STARD8: variants seen among roughly 807,000 people sequenced by gnomAD.
The protein encoded by STARD8 is stAR-related lipid transfer protein 8.
STARD8 carries 25 observed loss-of-function variants against 69.4 expected under a neutral mutation model. That is an observed-to-expected ratio of 0.36 (90% CI 0.26 to 0.50). The LOEUF is 0.50. STARD8 is among the 20% of genes least tolerant of loss of function. The pLI is 0.96. For missense variants in STARD8, 921 were observed against 932.5 expected (o/e 0.99, Z 0.16); for synonymous variants, 389 against 374.6 (o/e 1.04, Z -0.45).
intron 2 of STARD8, among the ~76,000 whole-genome samples, chrX:68,703,192 C>T (rs773402839): frequency 2.1e-4 from 23 of 111,809 alleles, no homozygotes; most frequent in Non-Finnish European, 2.4e-4. Context: ...CCCGGGAGGT[C>T]GAGGCTGCAG....
rs1281460185 is a variant in STARD8, at chrX:68,647,925, A to T, written c.43A>T (p.Lys15Ter). ...TTTCTGGTCTTGCTTCAGGAAGGTG[A>T]AGGTAAGTGACTGGCCAGCCCCAGC... is the stretch of plus-strand genomic sequence containing the variant. Reference protein sequence around the residue: ...DVFWSCFRKVKCFPLLQVKKN... With the variant: ...DVFWSCFRKV Residue 15 changes from lysine (K) to a stop codon, truncating the protein, a stop_gained and splice_region_variant, in exon 1 of 15, where the codon AAG becomes TAG. Transcript: ENST00000374599. LOFTEE classifies it high-confidence loss of function. The T allele has an allele frequency of 1.7e-6, 2 of 1,197,817 alleles. No individual in the cohort carries two copies. Among genetic ancestry groups the T allele is most frequent in the African/African-American group, 3.5e-5 (2 of 57,205 alleles).
chrX:68,690,435 G>GT (rs2082464988), intron 2 of STARD8, among the ~76,000 whole-genome samples: 1 of 106,977 alleles, frequency 9.3e-6, no homozygotes, highest in African/African-American at 3.6e-5. Context: ...GGCAGGCAGG[G>GT]CGGGGGGACT....
intron 2 of STARD8, among the ~76,000 whole-genome samples, chrX:68,672,312 A>G (rs2079733407): frequency 8.9e-6 from 1 of 111,786 alleles, no homozygotes; most frequent in Non-Finnish European, 1.9e-5. Context: ...ATACAGTCCA[A>G]TGTTCTCGTT....
intron 2 of STARD8, among the ~76,000 whole-genome samples, chrX:68,679,791 C>G (rs1399956692): frequency 8.9e-6 from 1 of 112,055 alleles, no homozygotes; most frequent in Non-Finnish European, 1.9e-5. Context: ...ATGCAGCTGA[C>G]TGGGGCCAAA....
At position 68,717,606 on chromosome X, in the gene STARD8, A is replaced by G; in HGVS notation, c.692A>G (p.His231Arg). The G allele has an allele frequency of 8.3e-7, 1 of 1,212,066 alleles. No individual in the cohort carries two copies. Among genetic ancestry groups the G allele is most frequent in the South Asian group, 1.8e-5 (1 of 57,006 alleles). ...KSGSQQAEPKHSPATSEKVSK... is the reference protein window; with the variant it reads ...KSGSQQAEPKRSPATSEKVSK... The stretch of plus-strand genomic sequence containing the variant: ...GGCAGCCAGCAAGCAGAGCCCAAGC[A>G]TAGTCCAGCCACCTCAGAGAAGGTC... Residue 231 changes from histidine (H) to arginine (R), a missense_variant, in exon 6 of 15, where the codon CAT (histidine) becomes CGT (arginine). Physicochemically the swap from His to Arg is conservative, Grantham distance 29. Coordinates refer to ENST00000374599, the MANE Select transcript of STARD8 (RefSeq NM_001142503.3).
chrX:68,685,508 C>T (rs971285596), intron 2 of STARD8, among the ~76,000 whole-genome samples: 4 of 112,530 alleles, frequency 3.6e-5, no homozygotes, highest in Non-Finnish European at 7.5e-5. Context: ...TTAGAAAAAA[C>T]GGTTATGTAC....
At chrX:68,670,471 A>C (rs757975642) in intron 2 of STARD8, among the ~76,000 whole-genome samples, 1 of 111,364 alleles carries the variant, frequency 9.0e-6, no homozygotes, top group Admixed American at 9.5e-5. Context: ...TTGTGGCCTA[A>C]GGGGCTGGGA....
chrX:68,701,294 C>A (rs113457512), intron 2 of STARD8, among the ~76,000 whole-genome samples: 4,179 of 113,005 alleles, frequency 0.037, 176 homozygotes, highest in African/African-American at 0.12. Flanking sequence ...CTTTGTCTCT[C>A]TTTTATTTAA....
intron 1 of STARD8, among the ~76,000 whole-genome samples, chrX:68,653,100 A>C (rs1178294467): frequency 7.1e-5 from 3 of 42,334 alleles, no homozygotes; most frequent in African/African-American, 1.1e-4. Context: ...CACCACACAC[A>C]CCACACACAC....
chrX:68,686,738 C>G (rs1043451958), intron 2 of STARD8, among the ~76,000 whole-genome samples: 1 of 112,615 alleles, frequency 8.9e-6, no homozygotes, highest in African/African-American at 3.2e-5. Flanking sequence ...GCAGTGCCCC[C>G]TTTTGAGGCT....
chrX:68,647,916 A>C lies in STARD8; in HGVS notation c.34A>C (p.Arg12=). 1.7e-6 allele frequency: 2 copies of C among 1,199,559 alleles called. No homozygotes were observed. Among genetic ancestry groups the C allele is most frequent in the Non-Finnish European group, 2.2e-6 (2 of 889,359 alleles). The part of the protein sequence containing the change: ...PLLDVFWSCF[R]KVKCFPLLQV... ...GCTGGACGTTTTCTGGTCTTGCTTC[A>C]GGAAGGTGAAGGTAAGTGACTGGCC... Residue 12 remains arginine, a synonymous_variant, in exon 1 of 15, where the codon AGG becomes CGG. Transcript: ENST00000374599.
chrX:68,721,652 G>A lies in STARD8; in HGVS notation c.2365G>A (p.Glu789Lys), dbSNP rs764303087. 3.2e-5 allele frequency: 39 copies of A among 1,210,827 alleles called. No individual in the cohort carries two copies. The highest frequency in any genetic ancestry group is 4.6e-4 in the Middle Eastern group (2 of 4,375). Residue 789 changes from glutamate to lysine, a missense_variant, in exon 10 of 15, where the codon GAG (glutamate) becomes AAG (lysine). Transcript: ENST00000374599. Reference protein sequence around the residue: ...LYFLSDIASAEENQMTAGNLA... With the variant: ...LYFLSDIASAKENQMTAGNLA... ...CTTCTTAAGTGACATTGCCTCTGCC[G>A]AGGAAAACCAGATGACAGCAGGCAA...
rs1024668455 is a variant in STARD8 at position 68,718,731 on chromosome X, C to T, written c.1715+102C>T. 8.3e-5 allele frequency: 91 copies of T among 1,093,026 alleles called. No homozygotes were observed. The African/African-American group carries it at 1.5e-3, about 18-fold the overall frequency. The allele number at this position is 1,093,026 out of a possible 1,213,427, so 90.1% of individuals were successfully genotyped here. On this transcript the variant is annotated intron_variant, in intron 6 of 14. Transcript: ENST00000374599. ...ATGAGGCCCAGGGCTAAGTGCTTGG[C>T]GGCTGCGTTATCCCCTCACAGCCAG... is the stretch of plus-strand genomic sequence containing the variant.
intron 1 of STARD8, among the ~76,000 whole-genome samples, chrX:68,664,509 C>T (rs186218217): frequency 2.7e-5 from 3 of 111,876 alleles, no homozygotes; most frequent in Non-Finnish European, 5.6e-5. Context: ...ATTTGGCCTT[C>T]GTTTCTCTCT....
intron 2 of STARD8, among the ~76,000 whole-genome samples, chrX:68,685,345 C>T (rs2079824967): frequency 8.9e-6 from 1 of 111,935 alleles, no homozygotes; most frequent in Non-Finnish European, 1.9e-5. Flanking sequence ...GGTCCCTTTA[C>T]TGGCCACCAA....
At chrX:68,676,357 G>A (rs954497752) in intron 2 of STARD8, among the ~76,000 whole-genome samples, 9 of 112,197 alleles carry the variant, frequency 8.0e-5, no homozygotes, top group Admixed American at 5.6e-4. Flanking sequence ...CCTGGGATCC[G>A]GCTCAGGTAC....
chrX:68,674,778 T>TG (rs1355221887), intron 2 of STARD8, among the ~76,000 whole-genome samples: 2 of 109,628 alleles, frequency 1.8e-5, no homozygotes, highest in Non-Finnish European at 3.8e-5. Flanking sequence ...GGTTTTTTTT[T>TG]TTGTTGTTGT....
Position 68,664,086 on chromosome X carries a change from G to C in STARD8, c.46-1413G>C, listed in dbSNP as rs1224547353. Among the ~76,000 whole-genome samples the C allele has an allele frequency of 4.5e-5, 5 of 111,847 alleles. 1 individual carries two copies. The highest frequency in any genetic ancestry group is 6.5e-5 in the African/African-American group (2 of 30,708). ...CCTGGTATGGCAGTCATTGTGCAGA[G>C]GGTAAGAGATAGACACATACTATGG... On this transcript the variant is annotated intron_variant, in intron 1 of 14. Coordinates refer to ENST00000374599, the MANE Select transcript of STARD8 (RefSeq NM_001142503.3).
chrX:68,665,633 A>G (rs1230445927), intron 2 of STARD8, 101 bp downstream of exon 2: 1 of 912,500 alleles, frequency 1.1e-6, no homozygotes, highest in Non-Finnish European at 1.5e-6. Context: ...AGCAGAGCCA[A>G]CGGCCGAGAT....
Sources: allele counts gnomAD v4.1 joint callset (sites outside exome capture counted in the v4.1 genomes callset), GRCh38; gene constraint gnomAD v4.1.1; transcripts MANE v1.5; gene names NCBI Gene and HGNC (gene_info 2026-07-23, HGNC 2026-07-21).